The following ASZ1 variants were observed in gnomAD, a reference collection of about 807,000 sequenced individuals.
ASZ1 encodes the protein ankyrin repeat, SAM and basic leucine zipper domain-containing protein 1.
Under a neutral mutation model 61.8 loss-of-function variants are expected in ASZ1, and 67 were observed. The observed-to-expected ratio is 1.08, with a 90% CI of 0.89 to 1.33. The LOEUF is 1.33. Among genes scored for constraint, ASZ1 ranks in the 40% most tolerant of loss-of-function variants. The pLI is 0.00. For synonymous variants in ASZ1, 193 were observed against 192.7 expected (o/e 1.00, Z -0.01); for missense variants, 577 against 554.5 (o/e 1.04, Z -0.41).
At chr7:117,425,547 C>A (rs935536354) in intron 2 of ASZ1, among the ~76,000 whole-genome samples, 29 of 151,816 alleles carry the variant, frequency 1.9e-4, no homozygotes, top group African/African-American at 7.0e-4. Context: ...GGATTACAGG[C>A]GTGAGCCACC....
At chr7:117,393,383 G>A (rs369361450) in intron 4 of ASZ1, among the ~76,000 whole-genome samples, 2 of 151,432 alleles carry the variant, frequency 1.3e-5, no homozygotes, top group East Asian at 3.9e-4. Context: ...CCTTTTTTTA[G>A]TTCTACTAGT....
intron 4 of ASZ1, among the ~76,000 whole-genome samples, chr7:117,410,917 A>G (rs1405255588): frequency 6.6e-6 from 1 of 151,772 alleles, no homozygotes; most frequent in Non-Finnish European, 1.5e-5. Flanking sequence ...AATTTATTAT[A>G]CACTACTAAT....
At chr7:117,406,625 T>C (rs558976735) in intron 4 of ASZ1, among the ~76,000 whole-genome samples, 227 of 152,144 alleles carry the variant, frequency 1.5e-3, no homozygotes, top group Non-Finnish European at 2.1e-3. Flanking sequence ...TGGTGGTCCA[T>C]GCCTATAATC....
intron 4 of ASZ1, among the ~76,000 whole-genome samples, chr7:117,396,443 G>C (rs1584731593): frequency 2.0e-5 from 3 of 152,236 alleles, no homozygotes; most frequent in South Asian, 4.2e-4. Context: ...TCGAAATTAA[G>C]GAGCTACTCA....
intron 4 of ASZ1, among the ~76,000 whole-genome samples, chr7:117,399,255 G>A (rs1796633086): frequency 6.6e-6 from 1 of 152,006 alleles, no homozygotes; most frequent in Non-Finnish European, 1.5e-5. Context: ...GAAACTAAAT[G>A]CTAAAAAAAT....
intron 12 of ASZ1, among the ~76,000 whole-genome samples, chr7:117,364,419 C>T (rs949314055): frequency 6.9e-6 from 1 of 145,216 alleles, no homozygotes; most frequent in African/African-American, 2.5e-5. Context: ...GACAGAGAGA[C>T]AGAGAGAGAG....
Position 117,367,647 on chromosome 7 carries a change from T to G in ASZ1, c.1162-182A>C, listed in dbSNP as rs548700046. 3 of 1,106,672 alleles carry G rather than the reference T, an allele frequency of 2.7e-6. No individual in the cohort carries two copies. In the East Asian group the frequency reaches 1.1e-4, roughly 41 times the overall value. 68.6% of individuals were successfully genotyped at this position (1,106,672 alleles called of 1,614,324 possible). On this transcript the variant is annotated intron_variant, in intron 11 of 12. Transcript: ENST00000284629. ...TTATAAAAATATAATCAAATGAGCT[T>G]GCCAAATGCATTTCCTGAATATATG...
At chr7:117,372,143 T>G (rs1025148940) in intron 10 of ASZ1, among the ~76,000 whole-genome samples, 2 of 152,132 alleles carry the variant, frequency 1.3e-5, no homozygotes, top group African/African-American at 4.8e-5. Context: ...CTGATAACTT[T>G]GTGCTTATTT....
At chr7:117,409,832 T>A (rs2116516705) in intron 4 of ASZ1, among the ~76,000 whole-genome samples, 1 of 151,874 alleles carries the variant, frequency 6.6e-6, no homozygotes, top group East Asian at 1.9e-4. Context: ...AAGAAAAATA[T>A]TGTTCTCTCT....
intron 10 of ASZ1, among the ~76,000 whole-genome samples, chr7:117,371,605 C>T (rs1414458898): frequency 6.6e-6 from 1 of 152,104 alleles, no homozygotes; most frequent in South Asian, 2.1e-4. Flanking sequence ...TGACACATTT[C>T]TGCCAAAGCA....
chr7:117,375,298 C>T (rs1023322804), intron 10 of ASZ1, among the ~76,000 whole-genome samples: 5 of 151,924 alleles, frequency 3.3e-5, no homozygotes, highest in Non-Finnish European at 5.9e-5. Context: ...GTATTATGTA[C>T]AATAAAACTG....
At chr7:117,367,793 G>A (rs1171438498) in intron 11 of ASZ1, 2 of 982,260 alleles carry the variant, frequency 2.0e-6, no homozygotes, top group Non-Finnish European at 2.4e-6. Context: ...AAAAATCACT[G>A]GAAAACAAGT....
At position 117,367,391 on chromosome 7, in the gene ASZ1, C is replaced by A; in HGVS notation, c.1236G>T (p.Leu412Phe). ...CEELVNNVED[L>F]SEKVCKLKDL... is the part of the protein sequence containing the mutation. ...CTTTTAGTTTGCAGACCTTTTCACT[C>A]AAATCTTCAACATTATTAACCAATT... Residue 412 changes from leucine (L) to phenylalanine (F), a missense_variant, in exon 12 of 13, where the codon TTG becomes TTT. Transcript: ENST00000284629. The A allele has an allele frequency of 6.4e-7, 1 of 1,566,990 alleles. No individual in the cohort carries two copies. The highest frequency in any genetic ancestry group is 1.2e-5 in the South Asian group (1 of 82,014).
intron 10 of ASZ1, among the ~76,000 whole-genome samples, chr7:117,379,221 G>A (rs1221780499): frequency 7.0e-6 from 1 of 143,752 alleles, no homozygotes. Context: ...CACAAAATAT[G>A]AGTAAGCCGT....
In ASZ1 at chr7:117,426,871, C is replaced by G. The variant is rs1027518528; in HGVS notation, c.170G>C (p.Gly57Ala). 3 of 1,613,222 alleles carry G rather than the reference C, an allele frequency of 1.9e-6. No individual in the cohort carries two copies. Among genetic ancestry groups the G allele is most frequent in the South Asian group, 2.2e-5 (2 of 90,788 alleles). Residue 57 changes from glycine (G) to alanine (A), a missense_variant, in exon 2 of 13, where the codon GGA becomes GCA. Gly to Ala is a moderately conservative substitution (Grantham distance 60). Transcript: ENST00000284629. ...GAGCTCCTGGACCAATGAAACATCT[C>G]CGATGGTCATTGCTTTCTTAAATTT... ...KEKFKKAMTIGDVSLVQELLD... is the reference protein window; with the variant it reads ...KEKFKKAMTIADVSLVQELLD...
At chr7:117,370,847 T>TGTGTGTGTGA (rs1796037542) in intron 10 of ASZ1, among the ~76,000 whole-genome samples, 3 of 150,838 alleles carry the variant, frequency 2.0e-5, no homozygotes, top group African/African-American at 4.9e-5. Flanking sequence ...TGTGTGTGTG[T>TGTGTGTGTGA]GTGACAGAGT....
rs893396492 is a variant in ASZ1 at position 117,395,181 on chromosome 7, C to T, written c.441-9372G>A. ...GTTTCCCATCTGTTTCTTTCTTTGG[C>T]GAGCGACTCTTTTTCCATTCCAGAG... On this transcript the variant is annotated intron_variant, in intron 4 of 12. Transcript: ENST00000284629. 3.3e-5 allele frequency among the ~76,000 whole-genome samples: 5 copies of T among 152,094 alleles called. No homozygotes were observed. The East Asian group carries it at 7.7e-4, about 23-fold the overall frequency.
At chr7:117,364,511 G>T (rs962347547) in intron 12 of ASZ1, among the ~76,000 whole-genome samples, 8 of 151,792 alleles carry the variant, frequency 5.3e-5, no homozygotes, top group Admixed American at 5.3e-4. Context: ...ATGGCTTTTG[G>T]GGGTGGGGCA....
In ASZ1 at chr7:117,384,714, AC is replaced by A. The variant is rs1440817381; in HGVS notation, c.687+11del. On this transcript the variant is annotated intron_variant, in intron 6 of 12. Coordinates refer to ENST00000284629, the MANE Select transcript of ASZ1 (RefSeq NM_130768.3). ...GCCACAGAAAATAAGTTTAATATGTACAGAAGGATACCTCATGATGTTTGTT... is the reference window on the plus strand; with the variant it reads ...GCCACAGAAAATAAGTTTAATATGTAAGAAGGATACCTCATGATGTTTGTT... 1 of 1,609,202 alleles carries A rather than the reference AC, an allele frequency of 6.2e-7. No homozygotes were observed. The highest frequency in any genetic ancestry group is 1.1e-5 in the South Asian group (1 of 90,720).
Sources: gnomAD v4.1 joint callset for allele counts (sites outside exome capture counted in the v4.1 genomes callset) on GRCh38, gnomAD v4.1.1 for gene constraint, MANE v1.5 for transcripts, NCBI Gene and HGNC (gene_info 2026-07-23, HGNC 2026-07-21) for gene names.